Variants in PDZRN4 observed in about 807,000 individuals in gnomAD.
PDZRN4 encodes PDZ domain containing ring finger 4.
Under a neutral mutation model 99.0 loss-of-function variants are expected in PDZRN4, and 70 were observed. The ratio of observed to expected loss-of-function variants is 0.71; its 90% CI spans 0.58 to 0.86. PDZRN4 has a LOEUF of 0.86. PDZRN4 is among the 40% of genes least tolerant of loss of function. The pLI is 0.00. For missense variants in PDZRN4, 1,474 were observed against 1,331.2 expected, an observed-to-expected ratio of 1.11 and a Z score of -1.67; for synonymous variants, 551 against 501.6, an observed-to-expected ratio of 1.10 and a Z score of -1.32.
chr12:41,222,318 A>AT (rs1950960808), intron 3 of PDZRN4, among the ~76,000 whole-genome samples: 1 of 152,104 alleles, frequency 6.6e-6, no homozygotes, highest in South Asian at 2.1e-4. Context: ...CCTTTTCGGC[A>AT]TTTCTTTTCC....
intron 3 of PDZRN4, chr12:41,437,936 C>A: frequency 6.2e-7 from 1 of 1,613,716 alleles, no homozygotes; most frequent in Non-Finnish European, 8.5e-7. Flanking sequence ...TCTCTCTCTG[C>A]TTCTTAGAAT....
intron 3 of PDZRN4, among the ~76,000 whole-genome samples, chr12:41,427,540 TC>T (rs1271330719): frequency 1.3e-5 from 2 of 152,114 alleles, no homozygotes; most frequent in Non-Finnish European, 2.9e-5. Context: ...TACTTCAAAG[TC>T]TAACAAGCAT....
At position 41,209,453 on chromosome 12, in the gene PDZRN4, G is replaced by A. The variant is rs979512329; in HGVS notation, c.843+15265G>A. Among the ~76,000 whole-genome samples the A allele has an allele frequency of 2.1e-4, 32 of 151,328 alleles. 1 individual carries two copies. The highest frequency in any genetic ancestry group is 7.8e-4 in the African/African-American group (32 of 41,132). ...GTTGGTGTGCTGCACCCATTAACTC[G>A]TCATTTAACATTAGGTATATCTCCT... On this transcript the variant is annotated intron_variant, in intron 3 of 9. Coordinates refer to ENST00000402685, the MANE Select transcript of PDZRN4 (RefSeq NM_001164595.2).
At chr12:41,240,205 G>A (rs937201452) in intron 3 of PDZRN4, among the ~76,000 whole-genome samples, 3 of 152,062 alleles carry the variant, frequency 2.0e-5, no homozygotes, top group African/African-American at 7.2e-5. Flanking sequence ...GCTAATGTTT[G>A]CCAGAAGTCT....
chr12:41,560,481 T>A (rs1939250594), intron 7 of PDZRN4, among the ~76,000 whole-genome samples: 1 of 152,178 alleles, frequency 6.6e-6, no homozygotes, highest in African/African-American at 2.4e-5. Context: ...ATTTTGAAAC[T>A]AACATTTACA....
At chr12:41,491,577 G>A (rs1196287688) in intron 3 of PDZRN4, among the ~76,000 whole-genome samples, 1 of 152,054 alleles carries the variant, frequency 6.6e-6, no homozygotes, top group Non-Finnish European at 1.5e-5. Flanking sequence ...GGCTTTCCCT[G>A]TCAGGGTGAA....
chr12:41,538,128 T>C (rs1455309124), intron 5 of PDZRN4, among the ~76,000 whole-genome samples: 2 of 152,182 alleles, frequency 1.3e-5, no homozygotes, highest in African/African-American at 4.8e-5. Context: ...TATTTTAAAA[T>C]AATGCTTATT....
At chr12:41,502,433 T>C (rs1175378307) in intron 3 of PDZRN4, among the ~76,000 whole-genome samples, 1 of 152,162 alleles carries the variant, frequency 6.6e-6, no homozygotes, top group African/African-American at 2.4e-5. Context: ...AAATTGCTCT[T>C]TCTTAAAATC....
intron 3 of PDZRN4, among the ~76,000 whole-genome samples, chr12:41,281,526 A>G (rs1056207030): frequency 1.3e-5 from 2 of 152,184 alleles, no homozygotes; most frequent in African/African-American, 4.8e-5. Context: ...AACATAAATG[A>G]CCCGATGGAG....
chr12:41,476,639 T>A (rs1953045515), intron 3 of PDZRN4, among the ~76,000 whole-genome samples: 1 of 152,200 alleles, frequency 6.6e-6, no homozygotes, highest in Non-Finnish European at 1.5e-5. Flanking sequence ...GTTGTATTTA[T>A]GAAAAGCTCC....
chr12:41,516,177 G>A (rs1264841305), intron 5 of PDZRN4, among the ~76,000 whole-genome samples: 4 of 151,950 alleles, frequency 2.6e-5, no homozygotes, highest in Admixed American at 1.3e-4. Flanking sequence ...CTCCCACACC[G>A]CATTCTGTAA....
chr12:41,294,378 G>T (rs1951476477), intron 3 of PDZRN4, among the ~76,000 whole-genome samples: 1 of 152,082 alleles, frequency 6.6e-6, no homozygotes, highest in South Asian at 2.1e-4. Context: ...ACACTGACTT[G>T]CCTCTTTCTT....
chr12:41,476,560 G>T (rs1356715560), intron 3 of PDZRN4, among the ~76,000 whole-genome samples: 1 of 152,128 alleles, frequency 6.6e-6, no homozygotes, highest in Admixed American at 6.5e-5. Flanking sequence ...GGCCTATAGA[G>T]CCTCCCCTTC....
At chr12:41,215,052 AAT>A (rs1950912168) in intron 3 of PDZRN4, among the ~76,000 whole-genome samples, 1 of 152,068 alleles carries the variant, frequency 6.6e-6, no homozygotes, top group Non-Finnish European at 1.5e-5. Flanking sequence ...TAGGATGGAA[AAT>A]AGCCTTCAAA....
chr12:41,245,707 A>G (rs990050833), intron 3 of PDZRN4, among the ~76,000 whole-genome samples: 4 of 152,234 alleles, frequency 2.6e-5, no homozygotes, highest in African/African-American at 9.7e-5. Context: ...ATATGGCAAT[A>G]TAATGGATGA....
At chr12:41,228,417 C>T (rs1951009002) in intron 3 of PDZRN4, among the ~76,000 whole-genome samples, 1 of 151,952 alleles carries the variant, frequency 6.6e-6, no homozygotes, top group South Asian at 2.1e-4. Context: ...TGTGAGTATT[C>T]AAGAAAGTTC....
intron 5 of PDZRN4, among the ~76,000 whole-genome samples, chr12:41,525,587 A>G (rs984066311): frequency 1.6e-4 from 25 of 152,198 alleles, no homozygotes; most frequent in African/African-American, 5.8e-4. Flanking sequence ...ATAGATATGT[A>G]AGATAGATAT....
intron 3 of PDZRN4, among the ~76,000 whole-genome samples, chr12:41,360,837 T>C (rs1395093591): frequency 6.6e-6 from 1 of 152,042 alleles, no homozygotes; most frequent in African/African-American, 2.4e-5. Flanking sequence ...TTGACAATTA[T>C]CTGCCTTCTG....
At chr12:41,504,341 G>T (rs1030629941) in intron 3 of PDZRN4, among the ~76,000 whole-genome samples, 9 of 152,102 alleles carry the variant, frequency 5.9e-5, no homozygotes, top group African/African-American at 1.9e-4. Flanking sequence ...TTTTCAGAGA[G>T]GGAAGGGTGT....
Sources: allele counts gnomAD v4.1 joint callset (sites outside exome capture counted in the v4.1 genomes callset), GRCh38; gene constraint gnomAD v4.1.1; transcripts MANE v1.5; gene names NCBI Gene and HGNC (gene_info 2026-07-23, HGNC 2026-07-21).